Variants in PDE1C observed in about 807,000 individuals in gnomAD.
PDE1C encodes dual specificity calcium/calmodulin-dependent 3',5'-cyclic nucleotide phosphodiesterase 1C.
A neutral mutation model predicts 93.1 loss-of-function variants in PDE1C; 62 were observed. The observed-to-expected ratio is 0.67, with a 90% CI of 0.54 to 0.82. The LOEUF (loss-of-function observed/expected upper bound fraction) is 0.82. Ranked by LOEUF, PDE1C falls within the 40% of genes least tolerant of loss-of-function variation. PDE1C has a pLI of 0.00. For missense variants in PDE1C, 742 were observed against 884.6 expected, an observed-to-expected ratio of 0.84 and a Z score of 2.04; for synonymous variants, 325 against 310.1, an observed-to-expected ratio of 1.05 and a Z score of -0.50.
At chr7:31,852,329 A>G (rs1364574489) in intron 7 of PDE1C, among the ~76,000 whole-genome samples, 2 of 152,240 alleles carry the variant, frequency 1.3e-5, no homozygotes, top group Admixed American at 6.5e-5. Context: ...TGGCATCTTC[A>G]ATAATATACC....
intron 3 of PDE1C, among the ~76,000 whole-genome samples, chr7:32,109,679 C>T (rs1007591407): frequency 6.6e-6 from 1 of 152,180 alleles, no homozygotes; most frequent in African/African-American, 2.4e-5. Flanking sequence ...GAAGGGCACG[C>T]AGCAGAGATT....
intron 14 of PDE1C, among the ~76,000 whole-genome samples, chr7:31,821,140 A>G (rs564311781): frequency 6.6e-6 from 1 of 152,014 alleles, no homozygotes; most frequent in East Asian, 1.9e-4. Flanking sequence ...TCTTGTTCCC[A>G]TTTCTAAATA....
chr7:31,997,900 G>A (rs1784928456), intron 2 of PDE1C, among the ~76,000 whole-genome samples: 1 of 152,274 alleles, frequency 6.6e-6, no homozygotes, highest in African/African-American at 2.4e-5. Flanking sequence ...AGCATAATTT[G>A]AACTTGGAAT....
At chr7:32,018,661 G>A in intron 2 of PDE1C, among the ~76,000 whole-genome samples, 1 of 152,088 alleles carries the variant, frequency 6.6e-6, no homozygotes, top group East Asian at 1.9e-4. Context: ...TAGAGTTATG[G>A]GAGAGTAGGA....
chr7:31,639,907 G>C, the PDE1C span, among the ~76,000 whole-genome samples: 1 of 152,070 alleles, frequency 6.6e-6, no homozygotes, highest in Non-Finnish European at 1.5e-5. Context: ...TCTTAGGGTG[G>C]TTTCAATTGA....
chr7:31,675,100 C>A, the PDE1C span, among the ~76,000 whole-genome samples: 1 of 152,180 alleles, frequency 6.6e-6, no homozygotes, highest in Non-Finnish European at 1.5e-5. Context: ...GTGGAGGGGG[C>A]AGGTGCACTG....
intron 1 of PDE1C, among the ~76,000 whole-genome samples, chr7:32,216,738 C>T (rs1411925542): frequency 6.6e-6 from 1 of 152,168 alleles, no homozygotes. Context: ...TAATTTTTTT[C>T]AAGGCCACAC....
rs187412808 is a variant in PDE1C, at chr7:32,379,071, C to G, written c.310+48751G>C. ...ACTTACAATGCGTTCTCTGGCCTAC[C>G]TACCTCTCCTGCTCCAGCTGCATTT... On this transcript the variant is annotated intron_variant, in intron 1 of 1. Coordinates refer to the PDE1C transcript ENST00000672256. 8.3e-4 allele frequency among the ~76,000 whole-genome samples: 127 copies of G among 152,300 alleles called. 1 individual carries two copies. Among genetic ancestry groups the G allele is most frequent in the African/African-American group, 2.9e-3 (119 of 41,560 alleles).
intron 1 of PDE1C, among the ~76,000 whole-genome samples, chr7:32,372,816 T>G (rs941473144): frequency 6.6e-6 from 1 of 152,254 alleles, no homozygotes; most frequent in African/African-American, 2.4e-5. Flanking sequence ...AATAGACATT[T>G]CTTCAAAGAA....
intron 3 of PDE1C, among the ~76,000 whole-genome samples, chr7:32,078,165 T>A (rs762553101): frequency 6.6e-6 from 1 of 152,140 alleles, no homozygotes; most frequent in Non-Finnish European, 1.5e-5. Context: ...TAAAGCAAAT[T>A]TGAATATGGA....
upstream of PDE1C, among the ~76,000 whole-genome samples, chr7:32,300,408 C>T (rs1308515174): frequency 6.6e-6 from 1 of 152,198 alleles, no homozygotes; most frequent in African/African-American, 2.4e-5. Flanking sequence ...TGGCATATTT[C>T]AGCATGCAGT....
intron 3 of PDE1C, among the ~76,000 whole-genome samples, chr7:32,085,300 A>G (rs200806902): frequency 0.47 from 40,802 of 87,214 alleles, 11,680 homozygotes; most frequent in African/African-American, 0.58. Context: ...AAGACTAAAC[A>G]AAGAAGAATT....
intron 2 of PDE1C, among the ~76,000 whole-genome samples, chr7:32,170,443 T>C (rs1055789300): frequency 6.6e-6 from 1 of 152,108 alleles, no homozygotes; most frequent in African/African-American, 2.4e-5. Context: ...ATGTAGTTTA[T>C]GCATGTAAAA....
At chr7:31,982,885 C>G (rs965329866) in intron 2 of PDE1C, among the ~76,000 whole-genome samples, 2 of 152,214 alleles carry the variant, frequency 1.3e-5, no homozygotes, top group Non-Finnish European at 2.9e-5. Flanking sequence ...GAGGCATATT[C>G]AGGCTGACCA....
chr7:32,019,792 C>G (rs1788404825), intron 2 of PDE1C, among the ~76,000 whole-genome samples: 1 of 152,082 alleles, frequency 6.6e-6, no homozygotes, highest in African/African-American at 2.4e-5. Flanking sequence ...GCATTAGCAA[C>G]TGGATGATGG....
At chr7:32,050,147 C>G (rs1793154602) in intron 2 of PDE1C, among the ~76,000 whole-genome samples, 1 of 152,196 alleles carries the variant, frequency 6.6e-6, no homozygotes, top group Non-Finnish European at 1.5e-5. Flanking sequence ...TACTATGTCA[C>G]TAAGCAATAG....
upstream of PDE1C, among the ~76,000 whole-genome samples, chr7:32,071,993 CCTAT>C (rs3840584): frequency 0.14 from 20,867 of 152,032 alleles, 1,943 homozygotes; most frequent in East Asian, 0.4. Context: ...GAATTATTTT[CCTAT>C]CTATTAGATG....
At chr7:32,244,156 C>T (rs748493379) in intron 1 of PDE1C, among the ~76,000 whole-genome samples, 1 of 152,180 alleles carries the variant, frequency 6.6e-6, no homozygotes, top group Non-Finnish European at 1.5e-5. Flanking sequence ...TGAACCAATG[C>T]TGTGTTTTCC....
chr7:31,620,386 C>T, the PDE1C span, among the ~76,000 whole-genome samples: 7 of 151,852 alleles, frequency 4.6e-5, no homozygotes, highest in African/African-American at 9.7e-5. Context: ...ACACCTCACA[C>T]GGCCGGGTAC....
Sources: gnomAD v4.1 joint callset for allele counts (sites outside exome capture counted in the v4.1 genomes callset) on GRCh38, gnomAD v4.1.1 for gene constraint, MANE v1.5 for transcripts, NCBI Gene and HGNC (gene_info 2026-07-23, HGNC 2026-07-21) for gene names.